The following ZSWIM6 variants were observed in gnomAD, a reference collection of about 807,000 sequenced individuals.
The protein encoded by ZSWIM6 is zinc finger SWIM-type containing 6, also known as zinc finger SWIM domain-containing protein 6.
ZSWIM6 carries 9 observed loss-of-function variants against 113.2 expected under a neutral mutation model. The observed-to-expected ratio is 0.08, with a 90% CI of 0.05 to 0.14. The LOEUF (loss-of-function observed/expected upper bound fraction) is 0.14, where lower values mean the gene tolerates loss of function less well. ZSWIM6 is among the 10% of genes least tolerant of loss of function. The pLI is 1.00. For missense variants in ZSWIM6, 1,162 were observed against 1,552.2 expected (o/e 0.75, Z 4.22); for synonymous variants, 611 against 606.5 (o/e 1.01, Z -0.11).
intron 1 of ZSWIM6, among the ~76,000 whole-genome samples, chr5:61,394,013 T>C (rs985686102): frequency 1.3e-5 from 2 of 152,226 alleles, no homozygotes; most frequent in African/African-American, 4.8e-5. Context: ...AGGAACATTG[T>C]TGGCTGGTTG....
intron 1 of ZSWIM6, among the ~76,000 whole-genome samples, chr5:61,354,377 A>T (rs532746923): frequency 6.6e-6 from 1 of 152,378 alleles, no homozygotes; most frequent in South Asian, 2.1e-4. Context: ...CCTATGCTGT[A>T]CAATTGCTGA....
chr5:61,517,834 G>A (rs891165063), intron 4 of ZSWIM6, among the ~76,000 whole-genome samples: 5 of 150,604 alleles, frequency 3.3e-5, no homozygotes, highest in South Asian at 2.1e-4. Context: ...TAGGGTACAT[G>A]TGCACAATGT....
At chr5:61,502,929 G>T (rs534970002) in intron 4 of ZSWIM6, among the ~76,000 whole-genome samples, 5 of 151,970 alleles carry the variant, frequency 3.3e-5, no homozygotes, top group Non-Finnish European at 7.4e-5. Context: ...GTACTCATAC[G>T]TGGAAAAATT....
chr5:61,389,584 T>G (rs1745661543), intron 1 of ZSWIM6, among the ~76,000 whole-genome samples: 1 of 145,646 alleles, frequency 6.9e-6, no homozygotes, highest in African/African-American at 2.5e-5. Context: ...AAAAGAATCC[T>G]GCAGCTTGAC....
intron 4 of ZSWIM6, among the ~76,000 whole-genome samples, chr5:61,496,152 C>T (rs550818357): frequency 1.1e-4 from 16 of 152,192 alleles, no homozygotes; most frequent in African/African-American, 3.4e-4. Context: ...TCTAGTTATG[C>T]CCTCTTATGG....
intron 4 of ZSWIM6, among the ~76,000 whole-genome samples, chr5:61,515,878 T>A (rs917217325): frequency 3.9e-5 from 6 of 152,172 alleles, no homozygotes; most frequent in Non-Finnish European, 8.8e-5. Flanking sequence ...TATGTCTTTT[T>A]GGAAAACTGT....
intron 1 of ZSWIM6, among the ~76,000 whole-genome samples, chr5:61,346,476 A>G (rs1016666085): frequency 2.6e-5 from 4 of 152,204 alleles, no homozygotes; most frequent in African/African-American, 9.7e-5. Context: ...ATCTCTCTAG[A>G]TATGTGTATA....
chr5:61,359,281 T>G (rs528541223), intron 1 of ZSWIM6, among the ~76,000 whole-genome samples: 40 of 152,102 alleles, frequency 2.6e-4, no homozygotes, highest in Non-Finnish European at 5.1e-4. Context: ...GAGACAGGTA[T>G]AGTGAGAACT....
At chr5:61,390,620 G>T in intron 1 of ZSWIM6, 4 of 682,896 alleles carry the variant, frequency 5.9e-6, no homozygotes, top group Admixed American at 4.0e-5. Context: ...TTTTTCCAGT[G>T]GAAAATAACT....
chr5:61,451,974 A>G (rs1274837646), intron 1 of ZSWIM6, among the ~76,000 whole-genome samples: 1 of 152,162 alleles, frequency 6.6e-6, no homozygotes, highest in Non-Finnish European at 1.5e-5. Context: ...ATAAAACAAA[A>G]CAATACAAGG....
Position 61,332,264 on chromosome 5 carries a change from G to GGC in ZSWIM6, c.-5_-4dup. On this transcript the variant is annotated 5_prime_UTR_variant, in exon 1 of 14. Transcript: ENST00000252744. ...GCACTTCCGCTGTCGGGTTAGAAGCGGCGCGGTCATGGCGGAGCGCGGACA... is the reference window on the plus strand; with the variant it reads ...GCACTTCCGCTGTCGGGTTAGAAGCGGCGCGCGGTCATGGCGGAGCGCGGACA... 1.7e-6 allele frequency: 2 copies of GGC among 1,166,896 alleles called. No homozygotes were observed. Among genetic ancestry groups the GGC allele is most frequent in the Non-Finnish European group, 2.1e-6 (2 of 944,156 alleles). 72.3% of individuals were successfully genotyped at this position (1,166,896 alleles called of 1,614,324 possible). A position where few individuals can be genotyped will look rare whatever the true frequency, so the allele number is the denominator to read the frequency against.
At chr5:61,525,672 T>C in intron 5 of ZSWIM6, 128 bp from the exon 6 acceptor site, 1 of 1,093,756 alleles carries the variant, frequency 9.1e-7, no homozygotes. Context: ...CCCTTCACCC[T>C]TCTGCTTAGG....
At chr5:61,380,475 G>T (rs1053721150) in intron 1 of ZSWIM6, among the ~76,000 whole-genome samples, 1 of 152,172 alleles carries the variant, frequency 6.6e-6, no homozygotes, top group Non-Finnish European at 1.5e-5. Flanking sequence ...ATTTTTGCCA[G>T]TACTAATATG....
At chr5:61,459,325 C>T (rs938912843) in intron 1 of ZSWIM6, among the ~76,000 whole-genome samples, 2 of 151,972 alleles carry the variant, frequency 1.3e-5, no homozygotes, top group African/African-American at 4.8e-5. Context: ...TATCAGTATC[C>T]AACAAACATG....
At chr5:61,535,408 A>G in intron 9 of ZSWIM6, 76 bp from the exon 10 acceptor site, 1 of 1,488,092 alleles carries the variant, frequency 6.7e-7, no homozygotes, top group Middle Eastern at 1.7e-4. Flanking sequence ...TTTATGTGAC[A>G]TTTTAACAAT....
intron 1 of ZSWIM6, among the ~76,000 whole-genome samples, chr5:61,445,936 A>C (rs1176279596): frequency 1.3e-5 from 2 of 152,216 alleles, no homozygotes; most frequent in Non-Finnish European, 2.9e-5. Flanking sequence ...AACACTATAC[A>C]TTTTGTGCAA....
chr5:61,353,117 A>G (rs746227998), intron 1 of ZSWIM6, among the ~76,000 whole-genome samples: 3 of 152,172 alleles, frequency 2.0e-5, no homozygotes, highest in Non-Finnish European at 4.4e-5. Context: ...GTAGCAGGGT[A>G]GAATGATCTG....
intron 1 of ZSWIM6, among the ~76,000 whole-genome samples, chr5:61,360,376 T>C (rs1386206140): frequency 6.6e-6 from 1 of 152,182 alleles, no homozygotes; most frequent in African/African-American, 2.4e-5. Context: ...CGGAGAAGAA[T>C]TGAGAACCAA....
chr5:61,486,847 G>A (rs550757315), intron 2 of ZSWIM6, among the ~76,000 whole-genome samples: 4 of 152,002 alleles, frequency 2.6e-5, no homozygotes, highest in Admixed American at 6.6e-5. Context: ...TCCTTGTCAG[G>A]TGAATAGTTT....
Sources: gnomAD v4.1 joint callset for allele counts (sites outside exome capture counted in the v4.1 genomes callset) on GRCh38, gnomAD v4.1.1 for gene constraint, MANE v1.5 for transcripts, NCBI Gene and HGNC (gene_info 2026-07-23, HGNC 2026-07-21) for gene names.